VAC14: variants seen among roughly 807,000 people sequenced by gnomAD.
The protein encoded by VAC14 is VAC14 component of PIKFYVE complex.
A neutral mutation model predicts 85.3 loss-of-function variants in VAC14; 47 were observed. The observed-to-expected ratio is 0.55, with a 90% CI of 0.44 to 0.70. VAC14 has a LOEUF of 0.70. Ranked by LOEUF, VAC14 falls within the 30% of genes least tolerant of loss-of-function variation. VAC14 has a pLI of 0.00. For missense variants in VAC14, 861 were observed against 1,004.3 expected (o/e 0.86, Z 1.93); for synonymous variants, 447 against 430.5 (o/e 1.04, Z -0.47).
intron 14 of VAC14, among the ~76,000 whole-genome samples, chr16:70,720,786 C>T (rs969520285): frequency 1.3e-5 from 2 of 152,218 alleles, no homozygotes; most frequent in Admixed American, 6.5e-5. Context: ...TGGGGCTATC[C>T]GCCCATGTGG....
chr16:70,789,879 G>A (rs2034256722), intron 1 of VAC14, among the ~76,000 whole-genome samples: 1 of 152,144 alleles, frequency 6.6e-6, no homozygotes, highest in East Asian at 1.9e-4. Context: ...CTAGGAGTGG[G>A]AGTGGGGACA....
chr16:70,786,485 C>A (rs1207863160), intron 1 of VAC14, 120 bp from the exon 2 acceptor site: 2 of 1,338,900 alleles, frequency 1.5e-6, no homozygotes, highest in East Asian at 2.4e-5. Flanking sequence ...GGGAGACAGG[C>A]GTCTCAGGGC....
Position 70,786,023 on chromosome 16 carries a change from GA to G in VAC14, c.256-155del, listed in dbSNP as rs2034039252. Reference sequence around the variant, plus strand: ...GACCCTTCCCAAGCCTCATTCCCAGGAGAGGGCCCATGCCTAGGGGACCAGG... The same window carrying G: ...GACCCTTCCCAAGCCTCATTCCCAGGGAGGGCCCATGCCTAGGGGACCAGG... On this transcript the variant is annotated intron_variant, in intron 2 of 18. Transcript: ENST00000261776. 5.3e-6 allele frequency: 7 copies of G among 1,326,576 alleles called. No individual in the cohort carries two copies. In the East Asian group the frequency reaches 1.7e-4, roughly 32 times the overall value. The allele number at this position is 1,326,576 out of a possible 1,614,324, so 82.2% of individuals were successfully genotyped here.
Position 70,786,043 on chromosome 16 carries a change from G to C in VAC14, c.255+172C>G, listed in dbSNP as rs989062305. On this transcript the variant is annotated intron_variant, in intron 2 of 18. Transcript: ENST00000261776. ...CCCAGGAGAGGGCCCATGCCTAGGG[G>C]ACCAGGCTGCAAGGCCGCAAAGCCA... 4.4e-6 allele frequency: 6 copies of C among 1,349,894 alleles called. No homozygotes were observed. In the African/African-American group the frequency reaches 8.8e-5, roughly 20 times the overall value. The allele number at this position is 1,349,894 out of a possible 1,614,324, so 83.6% of individuals were successfully genotyped here. A position where few individuals can be genotyped will look rare whatever the true frequency, so the allele number is the denominator to read the frequency against.
rs1173977810 is a variant in VAC14 at position 70,687,450 on chromosome 16, C to T, written c.*478G>A. On this transcript the variant is annotated 3_prime_UTR_variant, in exon 19 of 19. Transcript: ENST00000261776. The stretch of plus-strand genomic sequence containing the variant: ...CAGGCCGGCTCGGGTTGAGGGTTTT[C>T]TGTTATTTCTTTATTGGGGTGGGGG... 3.2e-5 allele frequency: 1 copy of T among 31,310 alleles called. No homozygotes were observed. The highest frequency in any genetic ancestry group is 5.7e-5 in the Non-Finnish European group (1 of 17,486). 1.9% of individuals were successfully genotyped at this position (31,310 alleles called of 1,614,324 possible).
intron 14 of VAC14, among the ~76,000 whole-genome samples, chr16:70,712,665 G>T (rs906105118): frequency 6.6e-6 from 1 of 152,210 alleles, no homozygotes; most frequent in Non-Finnish European, 1.5e-5. Context: ...GCACAGAAAG[G>T]GCTGCAGAAG....
intron 1 of VAC14, among the ~76,000 whole-genome samples, chr16:70,791,454 G>A (rs997697502): frequency 6.6e-5 from 10 of 151,994 alleles, no homozygotes; most frequent in Non-Finnish European, 1.0e-4. Flanking sequence ...GTGCGATCTC[G>A]GCTCACTGCA....
At chr16:70,708,129 C>T (rs989086692) in intron 14 of VAC14, among the ~76,000 whole-genome samples, 23 of 152,252 alleles carry the variant, frequency 1.5e-4, no homozygotes, top group African/African-American at 9.6e-5. Flanking sequence ...CTGACCACCC[C>T]GTCCCCTGTG....
rs1408597033 is a variant in VAC14, at chr16:70,744,469, C to T, written c.1482G>A (p.Glu494=). The part of the protein sequence containing the change: ...DGPDLQASHS[E]LQVPTPGRAG... Reference sequence around the variant, plus strand: ...CTCTGCCAGGGGTGGGCACCTGGAGCTCTGAGTGGCTGGCCTGGAGGTCAG... The same window carrying T: ...CTCTGCCAGGGGTGGGCACCTGGAGTTCTGAGTGGCTGGCCTGGAGGTCAG... Residue 494 remains glutamate, a synonymous_variant, in exon 13 of 19, where the codon GAG becomes GAA. Coordinates refer to ENST00000261776, the MANE Select transcript of VAC14 (RefSeq NM_018052.5). The T allele has an allele frequency of 6.2e-7, 1 of 1,614,054 alleles. No individual in the cohort carries two copies. The highest frequency in any genetic ancestry group is 1.1e-5 in the South Asian group (1 of 91,084).
intron 12 of VAC14, among the ~76,000 whole-genome samples, chr16:70,754,048 C>T (rs1004626872): frequency 3.3e-5 from 5 of 152,196 alleles, no homozygotes; most frequent in African/African-American, 1.2e-4. Context: ...TCCATTCATA[C>T]CAGTTACTGT....
rs1433742450 is a variant in VAC14, at chr16:70,731,738, G to T, written c.1529-111C>A. 1.0e-5 allele frequency: 12 copies of T among 1,194,444 alleles called. No individual in the cohort carries two copies. The East Asian group carries it at 2.2e-4, about 22-fold the overall frequency. 74.0% of individuals were successfully genotyped at this position (1,194,444 alleles called of 1,614,324 possible). On this transcript the variant is annotated intron_variant, in intron 13 of 18. Coordinates refer to ENST00000261776, the MANE Select transcript of VAC14 (RefSeq NM_018052.5). ...AATGCCAAAAAGATGTGTGTGGGGG[G>T]TGTTATAACAAGATGAGGGAAAATC...
chr16:70,733,758 T>G (rs571756668), intron 13 of VAC14, among the ~76,000 whole-genome samples: 1 of 152,168 alleles, frequency 6.6e-6, no homozygotes, highest in Non-Finnish European at 1.5e-5. Context: ...ATGCTTTCTA[T>G]AAAGCCTGCA....
At chr16:70,737,550 G>A (rs899627571) in intron 13 of VAC14, among the ~76,000 whole-genome samples, 1 of 152,154 alleles carries the variant, frequency 6.6e-6, no homozygotes, top group African/African-American at 2.4e-5. Context: ...TCTGGTTTGG[G>A]CAAGTGAGGA....
chr16:70,772,166 G>A lies in VAC14; in HGVS notation c.1103C>T (p.Pro368Leu). 1 of 1,613,988 alleles carries A rather than the reference G, an allele frequency of 6.2e-7. No individual in the cohort carries two copies. The highest frequency in any genetic ancestry group is 8.5e-7 in the Non-Finnish European group (1 of 1,179,958). Residue 368 changes from proline to leucine, a missense_variant, in exon 10 of 19, where the codon CCA (proline) becomes CTA (leucine). By Grantham distance (98) the Pro-to-Leu change is moderately conservative. Transcript: ENST00000261776. ...GAAGCTGGAGTCACAGGAACCATCTGGACCTCCTGGGAGAGGAAGAGGAAC... is the reference window on the plus strand; with the variant it reads ...GAAGCTGGAGTCACAGGAACCATCTAGACCTCCTGGGAGAGGAAGAGGAAC... The part of the protein sequence containing the change: ...PKQEGTASGG[P>L]DGSCDSSFSS...
At chr16:70,721,778 G>A (rs1376678002) in intron 14 of VAC14, among the ~76,000 whole-genome samples, 2 of 152,134 alleles carry the variant, frequency 1.3e-5, no homozygotes, top group East Asian at 3.9e-4. Context: ...CGGATCTGGC[G>A]CTGCTCTGCA....
chr16:70,741,321 G>A (rs1384533842), intron 13 of VAC14, among the ~76,000 whole-genome samples: 1 of 152,270 alleles, frequency 6.6e-6, no homozygotes, highest in Non-Finnish European at 1.5e-5. Flanking sequence ...CTTCCTGCAT[G>A]CCTTCTGACC....
At chr16:70,790,108 G>A (rs1388415322) in intron 1 of VAC14, among the ~76,000 whole-genome samples, 1 of 152,226 alleles carries the variant, frequency 6.6e-6, no homozygotes, top group Non-Finnish European at 1.5e-5. Context: ...AAAGAAGAGA[G>A]GGCTTAAGGA....
chr16:70,760,218 G>C (rs2032214259), intron 12 of VAC14, among the ~76,000 whole-genome samples: 1 of 152,288 alleles, frequency 6.6e-6, no homozygotes, highest in Non-Finnish European at 1.5e-5. Context: ...AACCTAACAA[G>C]CTTTCATAGT....
intron 12 of VAC14, among the ~76,000 whole-genome samples, chr16:70,761,646 C>T (rs948299375): frequency 1.3e-5 from 2 of 152,184 alleles, no homozygotes; most frequent in Admixed American, 6.5e-5. Context: ...GAGCCAGGGG[C>T]CCCCTCCACC....
Sources: allele counts gnomAD v4.1 joint callset (sites outside exome capture counted in the v4.1 genomes callset), GRCh38; gene constraint gnomAD v4.1.1; transcripts MANE v1.5; gene names NCBI Gene and HGNC (gene_info 2026-07-23, HGNC 2026-07-21).